Variants in SLCO2A1 observed in about 807,000 individuals in gnomAD.
SLCO2A1 encodes the protein solute carrier organic anion transporter family member 2A1.
Under a neutral mutation model 71.7 loss-of-function variants are expected in SLCO2A1, and 60 were observed. The observed-to-expected ratio is 0.84, with a 90% CI of 0.68 to 1.04. The LOEUF is 1.04. Among genes scored for constraint, SLCO2A1 ranks in the 50% least tolerant of loss-of-function variants. The pLI is 0.00. For synonymous variants in SLCO2A1, 308 were observed against 326.7 expected (o/e 0.94, Z 0.62); for missense variants, 745 against 813.4 (o/e 0.92, Z 1.02).
intron 1 of SLCO2A1, among the ~76,000 whole-genome samples, chr3:133,996,137 C>T (rs996091897): frequency 3.3e-5 from 5 of 152,144 alleles, no homozygotes; most frequent in Admixed American, 1.3e-4. Context: ...GTGAACAGCC[C>T]GAGGAGGTTT....
intron 12 of SLCO2A1, among the ~76,000 whole-genome samples, chr3:133,937,377 G>A (rs2108036284): frequency 6.6e-6 from 1 of 152,286 alleles, no homozygotes; most frequent in Admixed American, 6.5e-5. Flanking sequence ...GGCTCTGCAG[G>A]GACTAGAGGA....
rs183733001 is a variant in SLCO2A1, at chr3:134,015,675, G to A, written c.96+14032C>T. Among the ~76,000 whole-genome samples, 207 of 152,162 alleles carry A rather than the reference G, an allele frequency of 1.4e-3. 2 individuals are homozygous for A. Among genetic ancestry groups the A allele is most frequent in the African/African-American group, 4.4e-3 (184 of 41,534 alleles). On this transcript the variant is annotated intron_variant, in intron 1 of 13. Coordinates refer to ENST00000310926, the MANE Select transcript of SLCO2A1 (RefSeq NM_005630.3). ...CACGCCACATTGCACAGATTAAAAC[G>A]TCACATTGTACTCCATAATGTATAC...
At chr3:133,938,634 G>T in intron 11 of SLCO2A1, 141 bp from the exon 12 acceptor site, 1 of 723,592 alleles carries the variant, frequency 1.4e-6, no homozygotes. Context: ...GTTCACCTGG[G>T]CTGAATGCTC....
chr3:134,027,845 T>C (rs1207013756), intron 1 of SLCO2A1, among the ~76,000 whole-genome samples: 1 of 152,248 alleles, frequency 6.6e-6, no homozygotes, highest in African/African-American at 2.4e-5. Context: ...TCCAACCTCG[T>C]ACCTGGTTTC....
At chr3:133,991,745 C>A (rs534386859) in intron 1 of SLCO2A1, among the ~76,000 whole-genome samples, 1 of 152,132 alleles carries the variant, frequency 6.6e-6, no homozygotes, top group African/African-American at 2.4e-5. Context: ...CTGCAGGGGG[C>A]CGGAGGAGCC....
At chr3:133,980,712 TA>T (rs1159088032) in intron 1 of SLCO2A1, among the ~76,000 whole-genome samples, 1 of 152,254 alleles carries the variant, frequency 6.6e-6, no homozygotes, top group African/African-American at 2.4e-5. Context: ...CCTTCCTCTA[TA>T]GGTGCCCTTG....
intron 11 of SLCO2A1, among the ~76,000 whole-genome samples, chr3:133,941,392 TC>T (rs1333341042): frequency 2.6e-5 from 4 of 152,146 alleles, no homozygotes; most frequent in African/African-American, 9.7e-5. Context: ...ATCATCATCA[TC>T]ATTTCATGAA....
chr3:133,949,720 G>A (rs1222893232), intron 6 of SLCO2A1, among the ~76,000 whole-genome samples: 3 of 152,174 alleles, frequency 2.0e-5, no homozygotes, highest in Non-Finnish European at 4.4e-5. Context: ...TCCTCACAAC[G>A]CTTTCCCATA....
At chr3:133,987,985 A>G (rs560298895) in intron 1 of SLCO2A1, among the ~76,000 whole-genome samples, 145 of 152,378 alleles carry the variant, frequency 9.5e-4, no homozygotes, top group African/African-American at 3.4e-3. Context: ...GAAGAAAAGA[A>G]CAGCACAGAA....
In SLCO2A1 at chr3:133,954,926, C is replaced by T. The variant is rs747584741; in HGVS notation, c.625+40G>A. ...GCCTCATCAAGTGCTACATCAGGAC[C>T]TCACCCCTCCCCAAAGCCCTCTTCA... is the stretch of plus-strand genomic sequence containing the variant. On this transcript the variant is annotated intron_variant, in intron 4 of 13. Coordinates refer to ENST00000310926, the MANE Select transcript of SLCO2A1 (RefSeq NM_005630.3). 4.9e-5 allele frequency: 76 copies of T among 1,549,758 alleles called. 1 individual carries two copies. In the Middle Eastern group the frequency reaches 1.9e-3, roughly 38 times the overall value.
chr3:133,985,330 C>G (rs1023662681), intron 1 of SLCO2A1, among the ~76,000 whole-genome samples: 1 of 152,190 alleles, frequency 6.6e-6, no homozygotes, highest in Non-Finnish European at 1.5e-5. Flanking sequence ...CCTTCCCATG[C>G]TTCTTTAACT....
intron 8 of SLCO2A1, 81 bp downstream of exon 8, chr3:133,948,455 C>T (rs1933643411): frequency 6.8e-7 from 1 of 1,469,730 alleles, no homozygotes; most frequent in South Asian, 1.3e-5. Flanking sequence ...TGGCCTGCGC[C>T]CATCCCTGGA....
chr3:133,973,343 T>C (rs1256701292), intron 3 of SLCO2A1, among the ~76,000 whole-genome samples: 1 of 152,152 alleles, frequency 6.6e-6, no homozygotes, highest in Non-Finnish European at 1.5e-5. Flanking sequence ...TCCACAGACT[T>C]CATCATGATT....
intron 1 of SLCO2A1, among the ~76,000 whole-genome samples, chr3:133,996,422 G>A (rs563764302): frequency 1.4e-4 from 21 of 152,328 alleles, no homozygotes; most frequent in Non-Finnish European, 2.4e-4. Context: ...TAGGACGGAC[G>A]TGCATGGACG....
At chr3:133,948,822 C>CCA in intron 7 of SLCO2A1, 71 bp downstream of exon 7, 1 of 1,591,896 alleles carries the variant, frequency 6.3e-7, no homozygotes, top group Non-Finnish European at 8.6e-7. Context: ...ACCACAGGGG[C>CCA]TGGGGTCCCC....
intron 1 of SLCO2A1, among the ~76,000 whole-genome samples, chr3:134,029,080 G>T (rs998468905): frequency 6.6e-6 from 1 of 152,190 alleles, no homozygotes; most frequent in Non-Finnish European, 1.5e-5. Flanking sequence ...CTGAGCACGC[G>T]GGTTGGTTGC....
At chr3:134,020,075 T>C (rs1195075095) in intron 1 of SLCO2A1, among the ~76,000 whole-genome samples, 1 of 152,088 alleles carries the variant, frequency 6.6e-6, no homozygotes, top group Non-Finnish European at 1.5e-5. Context: ...AAAAGCACTG[T>C]GAAAATCCCT....
At position 134,029,870 on chromosome 3, in the gene SLCO2A1, C is replaced by A. The variant is rs1016511782; in HGVS notation, c.-68G>T. On this transcript the variant is annotated 5_prime_UTR_variant, in exon 1 of 14. Coordinates refer to ENST00000310926, the MANE Select transcript of SLCO2A1 (RefSeq NM_005630.3). ...GGCGCCTCGGGCTGGAGCGGCCGGG[C>A]GGGTGAGAGGCGACCGCGGCGGCAG... is the stretch of plus-strand genomic sequence containing the variant. 9.3e-6 allele frequency: 9 copies of A among 968,414 alleles called. No homozygotes were observed. The highest frequency in any genetic ancestry group is 3.1e-5 in the South Asian group (1 of 31,818). 60.0% of individuals were successfully genotyped at this position (968,414 alleles called of 1,614,324 possible). A position where few individuals can be genotyped will look rare whatever the true frequency, so the allele number is the denominator to read the frequency against.
At chr3:134,002,540 C>T (rs1051939022) in intron 1 of SLCO2A1, among the ~76,000 whole-genome samples, 1 of 152,248 alleles carries the variant, frequency 6.6e-6, no homozygotes, top group Non-Finnish European at 1.5e-5. Flanking sequence ...TCACAGCCGC[C>T]TCAGTGAGTG....
Sources: allele counts gnomAD v4.1 joint callset (sites outside exome capture counted in the v4.1 genomes callset), GRCh38; gene constraint gnomAD v4.1.1; transcripts MANE v1.5; gene names NCBI Gene and HGNC (gene_info 2026-07-23, HGNC 2026-07-21).